SLC25A21: variants seen among roughly 807,000 people sequenced by gnomAD.
SLC25A21 encodes the protein solute carrier family 25 member 21.
Under a neutral mutation model 43.8 loss-of-function variants are expected in SLC25A21, and 47 were observed. The ratio of observed to expected loss-of-function variants is 1.07; its 90% CI spans 0.85 to 1.37. SLC25A21 has a LOEUF of 1.37. Among genes scored for constraint, SLC25A21 ranks in the 40% most tolerant of loss-of-function variants. The pLI is 0.00. For synonymous variants in SLC25A21, 131 were observed against 121.3 expected, an observed-to-expected ratio of 1.08 and a Z score of -0.52; for missense variants, 352 against 350.2, an observed-to-expected ratio of 1.00 and a Z score of -0.04.
At chr14:37,003,928 C>A (rs1960542422) in intron 1 of SLC25A21, among the ~76,000 whole-genome samples, 1 of 152,098 alleles carries the variant, frequency 6.6e-6, no homozygotes, top group Admixed American at 6.6e-5. Flanking sequence ...TGCTGCAGAT[C>A]CCCTTCACTG....
intron 7 of SLC25A21, among the ~76,000 whole-genome samples, chr14:36,690,553 CA>C (rs1399995711): frequency 1.3e-5 from 2 of 152,038 alleles, no homozygotes; most frequent in Non-Finnish European, 2.9e-5. Context: ...TGAATCCAGC[CA>C]AAAAATATTT....
chr14:36,726,450 AAAG>A (rs1170846750), intron 5 of SLC25A21, among the ~76,000 whole-genome samples: 31 of 152,164 alleles, frequency 2.0e-4, no homozygotes, highest in Middle Eastern at 3.4e-3. Flanking sequence ...ATAAAAAAAA[AAAG>A]AAGAAGAAGA....
At chr14:36,924,282 C>G (rs370983547) in intron 1 of SLC25A21, among the ~76,000 whole-genome samples, 1 of 152,094 alleles carries the variant, frequency 6.6e-6, no homozygotes, top group Non-Finnish European at 1.5e-5. Context: ...AACCCAAATG[C>G]CCATCAATGA....
intron 7 of SLC25A21, among the ~76,000 whole-genome samples, chr14:36,685,972 T>C (rs890971037): frequency 3.3e-5 from 5 of 152,152 alleles, no homozygotes; most frequent in African/African-American, 1.2e-4. Flanking sequence ...TCTCTTTTGA[T>C]CAATATTTTA....
chr14:36,913,777 T>C (rs1422980686), intron 1 of SLC25A21, among the ~76,000 whole-genome samples: 1 of 152,202 alleles, frequency 6.6e-6, no homozygotes, highest in East Asian at 1.9e-4. Flanking sequence ...AATTATCTTA[T>C]CATCAAGTTA....
At chr14:36,947,749 T>C (rs116860148) in intron 1 of SLC25A21, among the ~76,000 whole-genome samples, 1,708 of 152,304 alleles carry the variant, frequency 0.011, 12 homozygotes, top group Non-Finnish European at 0.019. Context: ...TTAGGGGGTA[T>C]TTTATATTAA....
intron 3 of SLC25A21, 48 bp downstream of exon 3, chr14:36,813,869 CA>C (rs770700551): frequency 1.5e-6 from 2 of 1,305,840 alleles, no homozygotes; most frequent in Non-Finnish European, 2.2e-6. Context: ...AATGAGAAAA[CA>C]TGTTAAGTAG....
chr14:36,985,279 A>G (rs988897577), intron 1 of SLC25A21, among the ~76,000 whole-genome samples: 5 of 151,932 alleles, frequency 3.3e-5, no homozygotes, highest in African/African-American at 1.2e-4. Context: ...ATATATATGT[A>G]ACTAACCTGC....
chr14:37,095,852 C>A (rs940950530), intron 1 of SLC25A21, among the ~76,000 whole-genome samples: 1 of 151,052 alleles, frequency 6.6e-6, no homozygotes, highest in East Asian at 1.9e-4. Context: ...ACAAAAAACA[C>A]CTTGACCAGG....
intron 7 of SLC25A21, among the ~76,000 whole-genome samples, chr14:36,696,414 T>C (rs1329901717): frequency 6.6e-6 from 1 of 152,224 alleles, no homozygotes; most frequent in Non-Finnish European, 1.5e-5. Flanking sequence ...AGGATGATGC[T>C]GGCCTCATAA....
At chr14:36,843,838 T>C (rs568717447) in intron 2 of SLC25A21, among the ~76,000 whole-genome samples, 1 of 152,334 alleles carries the variant, frequency 6.6e-6, no homozygotes, top group African/African-American at 2.4e-5. Context: ...TTGTAGTTTG[T>C]TTTTTGCATC....
intron 1 of SLC25A21, among the ~76,000 whole-genome samples, chr14:37,152,902 G>C (rs921289496): frequency 1.3e-5 from 2 of 152,122 alleles, no homozygotes; most frequent in Non-Finnish European, 2.9e-5. Flanking sequence ...ATAGTATATA[G>C]ACAGTCACAC....
intron 2 of SLC25A21, among the ~76,000 whole-genome samples, chr14:36,819,468 T>C (rs79722414): frequency 6.6e-6 from 1 of 152,314 alleles, no homozygotes; most frequent in Non-Finnish European, 1.5e-5. Context: ...TATTCTATTT[T>C]AAACTAGTCT....
intron 1 of SLC25A21, among the ~76,000 whole-genome samples, chr14:37,135,661 T>C (rs1414098750): frequency 6.6e-6 from 1 of 152,240 alleles, no homozygotes; most frequent in African/African-American, 2.4e-5. Context: ...GGCATCCTCA[T>C]TATTGATCTA....
chr14:36,990,315 C>A (rs747035182), intron 1 of SLC25A21, among the ~76,000 whole-genome samples: 1 of 152,188 alleles, frequency 6.6e-6, no homozygotes, highest in Non-Finnish European at 1.5e-5. Context: ...TTCCCCAGCT[C>A]TCTCCATGCA....
Position 36,734,541 on chromosome 14 carries a change from G to C in SLC25A21, c.236C>G (p.Pro79Arg). The change falls in exon 4 of 10, where the codon CCT becomes CGT. Residue 79 changes from proline to arginine, a missense_variant. Coordinates refer to ENST00000331299, the MANE Select transcript of SLC25A21 (RefSeq NM_030631.4). ...TCTTTTTGGGGTTTCAGCCAAGATA[G>C]GTGGCAGAATTCCCTTGTAAAAACC... ...LFGFYKGILP[P>R]ILAETPKRAV... The C allele has an allele frequency of 6.2e-7, 1 of 1,608,034 alleles. No homozygotes were observed. The highest frequency in any genetic ancestry group is 8.5e-7 in the Non-Finnish European group (1 of 1,176,830).
chr14:36,801,987 C>T (rs1887885402), intron 3 of SLC25A21, among the ~76,000 whole-genome samples: 1 of 152,160 alleles, frequency 6.6e-6, no homozygotes, highest in South Asian at 2.1e-4. Flanking sequence ...CGGCGAAGTG[C>T]CCGAATCTAA....
intron 3 of SLC25A21, among the ~76,000 whole-genome samples, chr14:36,756,320 A>G (rs1226651314): frequency 2.0e-5 from 3 of 152,200 alleles, no homozygotes; most frequent in Admixed American, 2.0e-4. Context: ...ATGTGTGGCC[A>G]CCAGGGGATT....
At chr14:36,791,383 A>G (rs1272309776) in intron 3 of SLC25A21, among the ~76,000 whole-genome samples, 153 of 152,230 alleles carry the variant, frequency 1.0e-3, no homozygotes, top group Non-Finnish European at 8.8e-5. Context: ...AAAGTAAAGA[A>G]ATTTATGTTG....
Sources: allele counts gnomAD v4.1 joint callset (sites outside exome capture counted in the v4.1 genomes callset), GRCh38; gene constraint gnomAD v4.1.1; transcripts MANE v1.5; gene names NCBI Gene and HGNC (gene_info 2026-07-23, HGNC 2026-07-21).